The following TMEM196 variants were observed in gnomAD, a reference collection of about 807,000 sequenced individuals.
TMEM196 encodes transmembrane protein 196.
A neutral mutation model predicts 20.0 loss-of-function variants in TMEM196; 17 were observed. That is an observed-to-expected ratio of 0.85 (90% CI 0.58 to 1.27). The LOEUF (loss-of-function observed/expected upper bound fraction) is 1.27. TMEM196 is among the 50% of genes most tolerant of loss of function. TMEM196 has a pLI of 0.00. For missense variants in TMEM196, 267 were observed against 223.0 expected (o/e 1.20, Z -1.26); for synonymous variants, 113 against 88.9 (o/e 1.27, Z -1.52).
intron 1 of TMEM196, among the ~76,000 whole-genome samples, chr7:19,747,147 T>C (rs1041809473): frequency 4.0e-5 from 6 of 150,460 alleles, no homozygotes; most frequent in South Asian, 2.1e-4. Flanking sequence ...CCCAGCTACT[T>C]GGGAGGCTGA....
At chr7:19,745,622 C>T (rs550880433) in intron 1 of TMEM196, among the ~76,000 whole-genome samples, 1 of 150,704 alleles carries the variant, frequency 6.6e-6, no homozygotes, top group Non-Finnish European at 1.5e-5. Flanking sequence ...TTAATATTTT[C>T]AAAGAGACAT....
At chr7:19,738,150 T>C (rs1463724004) in intron 1 of TMEM196, among the ~76,000 whole-genome samples, 1 of 152,058 alleles carries the variant, frequency 6.6e-6, no homozygotes, top group Non-Finnish European at 1.5e-5. Flanking sequence ...CAAAGTTGTT[T>C]CCTACAGGGT....
At chr7:19,727,490 A>T (rs185285782) in intron 2 of TMEM196, among the ~76,000 whole-genome samples, 45 of 152,326 alleles carry the variant, frequency 3.0e-4, no homozygotes, top group African/African-American at 9.6e-4. Context: ...ACTTGATTAA[A>T]TATAATACTG....
chr7:19,722,224 C>T, intron 4 of TMEM196, 90 bp from the exon 5 acceptor site: 1 of 1,122,992 alleles, frequency 8.9e-7, no homozygotes, highest in East Asian at 2.5e-5. Flanking sequence ...AAATTTCAAT[C>T]CATTGAAAAA....
chr7:19,735,880 T>C (rs1319017116), intron 1 of TMEM196, among the ~76,000 whole-genome samples: 1 of 152,156 alleles, frequency 6.6e-6, no homozygotes, highest in Non-Finnish European at 1.5e-5. Flanking sequence ...AACACTACTT[T>C]TTTTACCCAC....
At chr7:19,751,023 A>G (rs1481828209) in intron 1 of TMEM196, among the ~76,000 whole-genome samples, 1 of 152,218 alleles carries the variant, frequency 6.6e-6, no homozygotes, top group Non-Finnish European at 1.5e-5. Flanking sequence ...CTCTGATTCG[A>G]AATAAAGGAT....
At chr7:19,772,385 A>C (rs571248244) in intron 1 of TMEM196, among the ~76,000 whole-genome samples, 165 bp downstream of exon 1, 2 of 152,110 alleles carry the variant, frequency 1.3e-5, no homozygotes, top group South Asian at 4.2e-4. Flanking sequence ...CGAATAAAGG[A>C]CAATATAAAG....
At chr7:19,752,144 T>A (rs1195248668) in intron 1 of TMEM196, among the ~76,000 whole-genome samples, 1 of 152,222 alleles carries the variant, frequency 6.6e-6, no homozygotes. Flanking sequence ...TTGGTCATCA[T>A]AAAAGCTTAT....
At chr7:19,741,048 C>G (rs905138769) in intron 1 of TMEM196, among the ~76,000 whole-genome samples, 1 of 152,076 alleles carries the variant, frequency 6.6e-6, no homozygotes, top group African/African-American at 2.4e-5. Flanking sequence ...GAAATAAAGT[C>G]TTCATTTTGT....
chr7:19,734,506 T>G (rs1284561447), intron 1 of TMEM196, among the ~76,000 whole-genome samples: 1 of 152,160 alleles, frequency 6.6e-6, no homozygotes, highest in Non-Finnish European at 1.5e-5. Flanking sequence ...ATGCCTTAAA[T>G]GTAATCACAA....
chr7:19,741,795 G>C (rs1784588695), intron 1 of TMEM196, among the ~76,000 whole-genome samples: 1 of 152,154 alleles, frequency 6.6e-6, no homozygotes. Context: ...TGTTAAGACA[G>C]AAAATGATTT....
chr7:19,730,675 C>T lies in TMEM196; in HGVS notation c.148-1237G>A, dbSNP rs75593930. ...ACCTGGATAGATTTATTTCCAAATA[C>T]ATATCAAAATATACTAAGGATTATC... is the stretch of plus-strand genomic sequence containing the variant. On this transcript the variant is annotated intron_variant, in intron 1 of 4. Transcript: ENST00000405844. Among the ~76,000 whole-genome samples, 48 of 152,178 alleles carry T rather than the reference C, an allele frequency of 3.2e-4. 1 individual carries two copies. The highest frequency in any genetic ancestry group is 3.1e-3 in the Admixed American group (47 of 15,282).
rs982929906 is a variant in TMEM196, at chr7:19,725,622, G to T, written c.351C>A (p.Gly117=). The T allele has an allele frequency of 6.2e-7, 1 of 1,614,006 alleles. No individual in the cohort carries two copies. The highest frequency in any genetic ancestry group is 1.3e-5 in the African/African-American group (1 of 74,896). ...SMSLACIGIG[G]CTLSSWLTCR... ...AAGTGAGCCAGGAAGAGAGAGTGCAGCCCCCGATCCCAATGCACGCGAGAG... is the reference window on the plus strand; with the variant it reads ...AAGTGAGCCAGGAAGAGAGAGTGCATCCCCCGATCCCAATGCACGCGAGAG... The change falls in exon 3 of 5, where the codon GGC becomes GGA. Residue 117 remains glycine (G), a synonymous_variant. Transcript: ENST00000405844.
In TMEM196 at chr7:19,721,631, G is replaced by C. The variant is rs1312662740; in HGVS notation, c.*497C>G. 1 of 152,358 alleles carries C rather than the reference G, an allele frequency of 6.6e-6. No individual in the cohort carries two copies. The highest frequency in any genetic ancestry group is 1.5e-5 in the Non-Finnish European group (1 of 68,186). The allele number at this position is 152,358 out of a possible 1,614,324, so 9.4% of individuals were successfully genotyped here. On this transcript the variant is annotated 3_prime_UTR_variant, in exon 5 of 5. Transcript: ENST00000405844. ...TGTTTTTATAACAAGGCATTACTGA[G>C]GTTTTGAATTGTAGCATCCTTGAAG... is the stretch of plus-strand genomic sequence containing the variant.
chr7:19,771,248 A>G (rs1785867625), intron 1 of TMEM196, among the ~76,000 whole-genome samples: 1 of 152,194 alleles, frequency 6.6e-6, no homozygotes, highest in East Asian at 1.9e-4. Context: ...ATGACAAAGA[A>G]CAAGATAATT....
chr7:19,738,787 C>T (rs189104065), intron 1 of TMEM196, among the ~76,000 whole-genome samples: 39 of 152,112 alleles, frequency 2.6e-4, no homozygotes, highest in Non-Finnish European at 4.3e-4. Flanking sequence ...TAGACTAAAT[C>T]AGCAAATGGA....
intron 1 of TMEM196, among the ~76,000 whole-genome samples, chr7:19,750,183 G>T (rs1784906955): frequency 6.6e-6 from 1 of 152,132 alleles, no homozygotes; most frequent in South Asian, 2.1e-4. Flanking sequence ...CTCTTTAAGA[G>T]TCAGCAAAAC....
intron 1 of TMEM196, 46 bp from the exon 2 acceptor site, chr7:19,729,484 G>A (rs1464055931): frequency 1.3e-6 from 2 of 1,525,596 alleles, no homozygotes; most frequent in Non-Finnish European, 8.9e-7. Flanking sequence ...AAAGACACGA[G>A]GACCCCTAGA....
intron 1 of TMEM196, among the ~76,000 whole-genome samples, chr7:19,730,083 C>G (rs1754280035): frequency 6.6e-6 from 1 of 151,870 alleles, no homozygotes; most frequent in African/African-American, 2.4e-5. Flanking sequence ...GGTGAAACCC[C>G]GTCTCTACTA....
Sources: allele counts gnomAD v4.1 joint callset (sites outside exome capture counted in the v4.1 genomes callset), GRCh38; gene constraint gnomAD v4.1.1; transcripts MANE v1.5; gene names NCBI Gene and HGNC (gene_info 2026-07-23, HGNC 2026-07-21).